The following ADGRD2 variants were observed in gnomAD, a reference collection of about 807,000 sequenced individuals.
The protein encoded by ADGRD2 is adhesion G protein-coupled receptor D2, also known as G protein-coupled receptor PGR24.
ADGRD2 carries 71 observed loss-of-function variants against 44.4 expected under a neutral mutation model. The ratio of observed to expected loss-of-function variants is 1.60; its 90% CI spans 1.32 to 1.95. The LOEUF (loss-of-function observed/expected upper bound fraction) is 1.95, where lower values mean the gene tolerates loss of function less well. Among genes scored for constraint, ADGRD2 ranks in the 30% most tolerant of loss-of-function variants. ADGRD2 has a pLI of 0.00. For missense variants in ADGRD2, 1,039 were observed against 512.4 expected (o/e 2.03, Z -9.92); for synonymous variants, 481 against 224.8 (o/e 2.14, Z -10.19).
chr9:124,470,265 C>T (rs573592139), intron 16 of ADGRD2, among the ~76,000 whole-genome samples: 55 of 152,324 alleles, frequency 3.6e-4, no homozygotes, highest in African/African-American at 7.2e-4. Context: ...GCTGGGACCC[C>T]ATCTCCCAAG....
At position 124,454,379 on chromosome 9, in the gene ADGRD2, C is replaced by T; in HGVS notation, c.1023-105C>T. On this transcript the variant is annotated intron_variant, in intron 4 of 21. Transcript: ENST00000334810. The surrounding 1 kb of genome is among the most constrained non-coding windows in gnomAD (Gnocchi z 4.5). ...CTGGACACACAGCCATCAAGGTGCT[C>T]TTCCTTCCCTGGGCAGCACGTGGTG... 1 of 640,372 alleles carries T rather than the reference C, an allele frequency of 1.6e-6. No homozygotes were observed. Among genetic ancestry groups the T allele is most frequent in the Non-Finnish European group, 2.9e-6 (1 of 345,662 alleles). 39.7% of individuals were successfully genotyped at this position (640,372 alleles called of 1,614,324 possible). A position where few individuals can be genotyped will look rare whatever the true frequency, so the allele number is the denominator to read the frequency against.
chr9:124,463,860 C>T (rs1831763547), intron 10 of ADGRD2, among the ~76,000 whole-genome samples: 2 of 151,984 alleles, frequency 1.3e-5, no homozygotes, highest in Admixed American at 6.6e-5. Context: ...ATTTTTGAGA[C>T]AGTCTCTCCC....
rs139356257 is a variant in ADGRD2, at chr9:124,456,713, G to A, written c.1487G>A (p.Arg496His). 576 of 710,324 alleles carry A rather than the reference G, an allele frequency of 8.1e-4. 4 individuals are homozygous for A. In the African/African-American group the frequency reaches 9.1e-3, roughly 11 times the overall value. The allele number at this position is 710,324 out of a possible 1,614,324, so 44.0% of individuals were successfully genotyped here. Residue 496 changes from arginine to histidine, a missense_variant, in exon 7 of 22, where the codon CGC becomes CAC. Coordinates refer to ENST00000334810, the Ensembl canonical transcript of ADGRD2. ...ATGACCTCAGAGCGGCCCCGAATGC[G>A]CATCCAGCACCGCCATGCTGGTGAG...
intron 10 of ADGRD2, among the ~76,000 whole-genome samples, chr9:124,461,666 G>A (rs1168517818): frequency 1.3e-5 from 2 of 150,456 alleles, no homozygotes; most frequent in Non-Finnish European, 1.5e-5. Flanking sequence ...ATTTCTTACT[G>A]TCCTGATTAA....
At position 124,475,619 on chromosome 9, in the gene ADGRD2, C is replaced by A; in HGVS notation, c.2845+4C>A. The A allele has an allele frequency of 1.5e-6, 1 of 682,870 alleles. No individual in the cohort carries two copies. The highest frequency in any genetic ancestry group is 2.7e-6 in the Non-Finnish European group (1 of 367,718). The allele number at this position is 682,870 out of a possible 1,614,324, so 42.3% of individuals were successfully genotyped here. A position where few individuals can be genotyped will look rare whatever the true frequency, so the allele number is the denominator to read the frequency against. ...GGCTGAGAAGAAGGTGGCCGAGGTGCTCAGGGCACTGGGGGTGTGGGTGGG... is the reference window on the plus strand; with the variant it reads ...GGCTGAGAAGAAGGTGGCCGAGGTGATCAGGGCACTGGGGGTGTGGGTGGG... On this transcript the variant is annotated splice_donor_region_variant and intron_variant, in intron 19 of 21. Transcript: ENST00000334810.
rs1181483255 is a variant in ADGRD2 at position 124,454,972 on chromosome 9, G to A, written c.1240G>A (p.Val414Ile). Residue 414 changes from valine to isoleucine, a missense_variant, in exon 6 of 22, where the codon GTT (valine) becomes ATT (isoleucine). By Grantham distance (29) the Val-to-Ile change is conservative. Coordinates refer to ENST00000334810, the Ensembl canonical transcript of ADGRD2. This position sits in a 1 kb window ranked among gnomAD's most constrained non-coding sequence, Gnocchi z 4.5. The stretch of plus-strand genomic sequence containing the variant: ...CCTGGGGCCGGCCGCACTGCTGGCT[G>A]TTGTCCGCTTCCTGAAGAGGGTGGT... 2.8e-6 allele frequency: 2 copies of A among 718,282 alleles called. No homozygotes were observed. The highest frequency in any genetic ancestry group is 3.0e-5 in the South Asian group (2 of 67,602). The allele number at this position is 718,282 out of a possible 1,614,324, so 44.5% of individuals were successfully genotyped here. A position where few individuals can be genotyped will look rare whatever the true frequency, so the allele number is the denominator to read the frequency against.
At chr9:124,455,798 C>A (rs772655537) in intron 6 of ADGRD2, among the ~76,000 whole-genome samples, 1 of 152,156 alleles carries the variant, frequency 6.6e-6, no homozygotes, top group Admixed American at 6.5e-5. Flanking sequence ...GATGGAGAGG[C>A]TGTTGGAAAC....
intron 14 of ADGRD2, among the ~76,000 whole-genome samples, chr9:124,468,955 C>T (rs1831886154): frequency 6.6e-6 from 1 of 152,236 alleles, no homozygotes; most frequent in Non-Finnish European, 1.5e-5. Context: ...CTCCCCAAAT[C>T]TGTAGCCAGC....
At chr9:124,467,755 T>C in exon 12 of ADGRD2, 2 of 718,546 alleles carry the variant, frequency 2.8e-6, no homozygotes, top group South Asian at 1.5e-5. Context: ...CTGAGGACTC[T>C]GTCATTTGTG....
Sources: gnomAD v4.1 joint callset for allele counts (sites outside exome capture counted in the v4.1 genomes callset) on GRCh38, gnomAD v4.1.1 for gene constraint, Gnocchi (gnomAD v3.1) non-coding constraint, MANE v1.5 for transcripts, NCBI Gene and HGNC (gene_info 2026-07-23, HGNC 2026-07-21) for gene names.